Variants in ATXN2 observed in about 807,000 individuals in gnomAD.
ATXN2 encodes the protein ataxin-2.
Under a neutral mutation model 138.6 loss-of-function variants are expected in ATXN2, and 37 were observed. The ratio of observed to expected loss-of-function variants is 0.27; its 90% CI spans 0.21 to 0.35. ATXN2 has a LOEUF of 0.35. ATXN2 is among the 10% of genes least tolerant of loss of function. The pLI is 1.00. For synonymous variants in ATXN2, 549 were observed against 543.7 expected, an observed-to-expected ratio of 1.01 and a Z score of -0.13; for missense variants, 1,216 against 1,480.3, an observed-to-expected ratio of 0.82 and a Z score of 2.93.
At chr12:111,470,366 T>C in intron 19 of ATXN2, 126 bp from the exon 20 acceptor site, 1 of 1,288,498 alleles carries the variant, frequency 7.8e-7, no homozygotes, top group Non-Finnish European at 1.1e-6. Context: ...CTCAAATCTT[T>C]CTTGGCTGTT....
chr12:111,559,447 G>A (rs1259453478), intron 1 of ATXN2, among the ~76,000 whole-genome samples: 1 of 151,256 alleles, frequency 6.6e-6, no homozygotes, highest in Non-Finnish European at 1.5e-5. Context: ...AACATCATAG[G>A]AGGAGAACTT....
In ATXN2 at chr12:111,520,084, A is replaced by G. The variant is rs376492019; in HGVS notation, c.789-8T>C. 114 of 1,612,720 alleles carry G rather than the reference A, an allele frequency of 7.1e-5. No individual in the cohort carries two copies. The highest frequency in any genetic ancestry group is 3.3e-4 in the Middle Eastern group (2 of 6,084). On this transcript the variant is annotated splice_polypyrimidine_tract_variant and splice_region_variant and intron_variant, in intron 7 of 24. Coordinates refer to ENST00000673436, the MANE Select transcript of ATXN2 (RefSeq NM_001372574.1). ...TCTCTTTCTAAGGGCACTCTGAAAC[A>G]TGAGGAAAAGAAAAGCAAAATGAGT...
At chr12:111,536,483 C>T (rs766553361) in intron 5 of ATXN2, among the ~76,000 whole-genome samples, 1 of 151,990 alleles carries the variant, frequency 6.6e-6, no homozygotes, top group Non-Finnish European at 1.5e-5. Context: ...ACATAAGAAA[C>T]CTCAGACACT....
chr12:111,465,295 A>ATT (rs10686219), intron 20 of ATXN2, among the ~76,000 whole-genome samples: 14,420 of 145,858 alleles, frequency 0.099, 2,324 homozygotes, highest in African/African-American at 0.34. Context: ...GATGCTTTTC[A>ATT]TTTTTTTTTT....
chr12:111,587,088 A>AG (rs1555245052), intron 1 of ATXN2, among the ~76,000 whole-genome samples: 1 of 151,298 alleles, frequency 6.6e-6, no homozygotes, highest in Non-Finnish European at 1.5e-5. Context: ...AAAAAAAAAA[A>AG]AAAAAGAACT....
intron 14 of ATXN2, among the ~76,000 whole-genome samples, chr12:111,508,156 T>TA (rs780339849): frequency 0.11 from 14,662 of 134,636 alleles, 2,425 homozygotes; most frequent in African/African-American, 0.36. Flanking sequence ...AATGATCAAT[T>TA]AAAAAAAAAA....
At chr12:111,555,812 A>G (rs1882358978) in intron 2 of ATXN2, 71 bp downstream of exon 2, 1 of 1,302,430 alleles carries the variant, frequency 7.7e-7, no homozygotes, top group Non-Finnish European at 1.1e-6. Context: ...TTGCCTTGGC[A>G]TTTGGTCTGT....
At chr12:111,593,542 C>CT (rs1338354845) in intron 1 of ATXN2, among the ~76,000 whole-genome samples, 1 of 151,704 alleles carries the variant, frequency 6.6e-6, no homozygotes, top group Non-Finnish European at 1.5e-5. Flanking sequence ...AACACCATGA[C>CT]TGATCCCATG....
chr12:111,477,909 C>G (rs1045698735), intron 18 of ATXN2, among the ~76,000 whole-genome samples: 2 of 152,096 alleles, frequency 1.3e-5, no homozygotes, highest in Non-Finnish European at 2.9e-5. Flanking sequence ...CCTCAGCCCC[C>G]CAAGTAGCTG....
intron 5 of ATXN2, among the ~76,000 whole-genome samples, chr12:111,544,907 C>T (rs563422661): frequency 6.6e-6 from 1 of 152,298 alleles, no homozygotes; most frequent in East Asian, 1.9e-4. Context: ...TGCCTGTAAT[C>T]CCAGCACTTT....
At chr12:111,488,315 A>C (rs916426117) in intron 15 of ATXN2, among the ~76,000 whole-genome samples, 161 bp downstream of exon 15, 1 of 152,184 alleles carries the variant, frequency 6.6e-6, no homozygotes, top group African/African-American at 2.4e-5. Flanking sequence ...TCATTTACTT[A>C]AGATGTCATT....
intron 18 of ATXN2, among the ~76,000 whole-genome samples, chr12:111,484,873 G>A (rs1298561948): frequency 6.6e-6 from 1 of 152,172 alleles, no homozygotes; most frequent in African/African-American, 2.4e-5. Flanking sequence ...TGGGGCTACA[G>A]GCATATGCCA....
rs923745963 is a variant in ATXN2 at position 111,501,250 on chromosome 12, T to C, written c.1935+8299A>G. 1.3e-5 allele frequency among the ~76,000 whole-genome samples: 2 copies of C among 152,106 alleles called. 1 individual carries two copies. The highest frequency in any genetic ancestry group is 4.8e-5 in the African/African-American group (2 of 41,424). On this transcript the variant is annotated intron_variant, in intron 14 of 24. Transcript: ENST00000673436. ...CAAAATAAGTGATGAGGTTTTTAAG[T>C]TTGCAGACCAGAAAAAATAAAATGC...
chr12:111,574,328 A>AT (rs1883511614), intron 1 of ATXN2, among the ~76,000 whole-genome samples: 10 of 151,572 alleles, frequency 6.6e-5, no homozygotes, highest in Admixed American at 6.6e-4. Context: ...AAAAAAAAAA[A>AT]AAAAAGGTAT....
chr12:111,480,253 T>C (rs1169828337), intron 18 of ATXN2, among the ~76,000 whole-genome samples: 1 of 152,230 alleles, frequency 6.6e-6, no homozygotes, highest in Non-Finnish European at 1.5e-5. Flanking sequence ...TTTTCTTGTA[T>C]GTAAATTACA....
intron 19 of ATXN2, 98 bp from the exon 20 acceptor site, chr12:111,470,338 C>T: frequency 1.4e-6 from 2 of 1,422,766 alleles, no homozygotes; most frequent in Non-Finnish European, 1.9e-6. Context: ...TCCAGATTTC[C>T]AGAAACAGCT....
intron 5 of ATXN2, among the ~76,000 whole-genome samples, chr12:111,541,223 G>C (rs1180381269): frequency 6.7e-6 from 1 of 149,474 alleles, no homozygotes; most frequent in African/African-American, 2.4e-5. Flanking sequence ...CAATGTCCCA[G>C]AATCATTTAC....
At chr12:111,465,889 G>A (rs1432356786) in intron 20 of ATXN2, among the ~76,000 whole-genome samples, 4 of 126,142 alleles carry the variant, frequency 3.2e-5, no homozygotes, top group South Asian at 2.1e-4. Flanking sequence ...CAAAGAGGCC[G>A]GGGCAGTGGC....
At chr12:111,596,976 T>A (rs1884968983) in intron 1 of ATXN2, among the ~76,000 whole-genome samples, 1 of 152,172 alleles carries the variant, frequency 6.6e-6, no homozygotes, top group African/African-American at 2.4e-5. Flanking sequence ...TCCTAATACC[T>A]AAGAAAGTAA....
Sources: gnomAD v4.1 joint callset for allele counts (sites outside exome capture counted in the v4.1 genomes callset) on GRCh38, gnomAD v4.1.1 for gene constraint, MANE v1.5 for transcripts, NCBI Gene and HGNC (gene_info 2026-07-23, HGNC 2026-07-21) for gene names.